The following SLF2 variants were observed in gnomAD, a reference collection of about 807,000 sequenced individuals.
SLF2 encodes SMC5-SMC6 complex localization factor protein 2.
SLF2 carries 68 observed loss-of-function variants against 124.3 expected under a neutral mutation model. The ratio of observed to expected loss-of-function variants is 0.55; its 90% CI spans 0.45 to 0.67. SLF2 has a LOEUF of 0.67. Ranked by LOEUF, SLF2 falls within the 30% of genes least tolerant of loss-of-function variation. The pLI is 0.00. For missense variants in SLF2, 1,246 were observed against 1,373.7 expected, an observed-to-expected ratio of 0.91 and a Z score of 1.47; for synonymous variants, 480 against 478.8, an observed-to-expected ratio of 1.00 and a Z score of -0.03.
At chr10:100,934,164 T>C (rs1269039126) in intron 9 of SLF2, among the ~76,000 whole-genome samples, 1 of 152,218 alleles carries the variant, frequency 6.6e-6, no homozygotes, top group Non-Finnish European at 1.5e-5. Flanking sequence ...AAACAGAACA[T>C]GTGAATGTGT....
At chr10:100,929,275 A>G (rs1385577895) in intron 6 of SLF2, 42 bp from the exon 7 acceptor site, 2 of 1,544,194 alleles carry the variant, frequency 1.3e-6, no homozygotes, top group Non-Finnish European at 1.7e-6. Flanking sequence ...TTTTAAAAAT[A>G]TTTTTAGAGT....
chr10:100,919,262 C>T (rs947007406), intron 4 of SLF2, among the ~76,000 whole-genome samples: 3 of 152,064 alleles, frequency 2.0e-5, no homozygotes, highest in South Asian at 2.1e-4. Flanking sequence ...CTGCCCACCT[C>T]GGCCTCCCAA....
At chr10:100,921,448 A>T (rs1296703910) in intron 4 of SLF2, among the ~76,000 whole-genome samples, 1 of 152,212 alleles carries the variant, frequency 6.6e-6, no homozygotes, top group East Asian at 1.9e-4. Flanking sequence ...AGTATATTTG[A>T]AATATTTGAA....
At chr10:100,948,619 AC>A (rs1206288697) in intron 15 of SLF2, among the ~76,000 whole-genome samples, 2 of 152,182 alleles carry the variant, frequency 1.3e-5, no homozygotes, top group Non-Finnish European at 2.9e-5. Context: ...ACAGTGGCTC[AC>A]GCCTGTAATC....
Position 100,945,495 on chromosome 10 carries a change from T to C in SLF2, c.2923T>C (p.Trp975Arg). ...AAACCTGATGAAAAACATCAGAGAT[T>C]GGAACACAAAGGTAATGTTACTTAA... ...LINLMKNIRD[W>R]NTKVPELCLG... Residue 975 changes from tryptophan to arginine, a missense_variant, in exon 13 of 20, where the codon TGG becomes CGG. Coordinates refer to ENST00000238961, the MANE Select transcript of SLF2 (RefSeq NM_018121.4). The C allele has an allele frequency of 6.4e-7, 1 of 1,559,926 alleles. No individual in the cohort carries two copies. The highest frequency in any genetic ancestry group is 8.6e-7 in the Non-Finnish European group (1 of 1,164,734).
Position 100,959,784 on chromosome 10 carries a change from A to C in SLF2, c.3486+288A>C, listed in dbSNP as rs185516605. On this transcript the variant is annotated intron_variant, in intron 19 of 19. Transcript: ENST00000238961. The stretch of plus-strand genomic sequence containing the variant: ...TTTAAGACAGATCTATTGAGATAGA[A>C]TTCACATACCATAGATTTTACCCAC... 1.6e-4 allele frequency among the ~76,000 whole-genome samples: 24 copies of C among 152,386 alleles called. No homozygotes were observed. In the East Asian group the frequency reaches 4.2e-3, roughly 27 times the overall value.
intron 9 of SLF2, among the ~76,000 whole-genome samples, chr10:100,932,521 C>T (rs1303981802): frequency 6.6e-6 from 1 of 151,972 alleles, no homozygotes; most frequent in Non-Finnish European, 1.5e-5. Context: ...CAAGAAATCT[C>T]GTATTTGGTG....
intron 9 of SLF2, among the ~76,000 whole-genome samples, chr10:100,933,837 C>G (rs868194094): frequency 1.3e-5 from 2 of 152,138 alleles, no homozygotes; most frequent in Non-Finnish European, 2.9e-5. Flanking sequence ...TGCCACCACA[C>G]CTGGCTAATT....
chr10:100,940,024 A>G (rs1849936978), intron 11 of SLF2, among the ~76,000 whole-genome samples: 1 of 152,198 alleles, frequency 6.6e-6, no homozygotes, highest in Non-Finnish European at 1.5e-5. Flanking sequence ...ATTTCCCCTA[A>G]ATATTACAAG....
rs755286282 is a variant in SLF2 at position 100,925,988 on chromosome 10, C to T, written c.2011C>T (p.Arg671Cys). ...HPGTYTNTLE[R>C]LVKEMEDTQR... ...TGGAACTTACACAAATACCTTAGAA[C>T]GTCTAGTGAAGGAAATGGAAGACAC... is the stretch of plus-strand genomic sequence containing the variant. Residue 671 changes from arginine (R) to cysteine (C), a missense_variant, in exon 6 of 20, where the codon CGT becomes TGT. Coordinates refer to ENST00000238961, the MANE Select transcript of SLF2 (RefSeq NM_018121.4). The T allele has an allele frequency of 6.8e-6, 11 of 1,611,864 alleles. No individual in the cohort carries two copies. The highest frequency in any genetic ancestry group is 1.3e-5 in the African/African-American group (1 of 74,746).
intron 10 of SLF2, among the ~76,000 whole-genome samples, chr10:100,937,692 T>C (rs1174439153): frequency 6.6e-6 from 1 of 152,100 alleles, no homozygotes; most frequent in African/African-American, 2.4e-5. Context: ...CACTGCAACT[T>C]CCACCTCCCT....
In SLF2 at chr10:100,925,953, A is replaced by G. The variant is rs1278996637; in HGVS notation, c.1976A>G (p.His659Arg). Reference protein sequence around the residue: ...LRSQSSDYTGHVHPGTYTNTL... With the variant: ...LRSQSSDYTGRVHPGTYTNTL... ...TTCTAAATGTTCTTGTTTTAGGGAC[A>G]TGTTCATCCTGGAACTTACACAAAT... Residue 659 changes from histidine to arginine, a missense_variant, in exon 6 of 20, where the codon CAT (histidine) becomes CGT (arginine). By Grantham distance (29) the His-to-Arg change is conservative. Coordinates refer to ENST00000238961, the MANE Select transcript of SLF2 (RefSeq NM_018121.4). 4.4e-6 allele frequency: 7 copies of G among 1,589,200 alleles called. No individual in the cohort carries two copies. Among genetic ancestry groups the G allele is most frequent in the Non-Finnish European group, 4.3e-6 (5 of 1,167,950 alleles).
intron 6 of SLF2, among the ~76,000 whole-genome samples, chr10:100,926,956 G>C (rs911554044): frequency 1.1e-4 from 17 of 151,298 alleles, no homozygotes; most frequent in East Asian, 3.9e-4. Context: ...TTCATAGACT[G>C]GATCAAAAGA....
Position 100,951,144 on chromosome 10 carries a change from G to A in SLF2, c.3330+391G>A, listed in dbSNP as rs577376213. Among the ~76,000 whole-genome samples the A allele has an allele frequency of 7.2e-4, 110 of 152,308 alleles. 1 individual carries two copies. Among genetic ancestry groups the A allele is most frequent in the Admixed American group, 1.1e-3 (17 of 15,306 alleles). On this transcript the variant is annotated intron_variant, in intron 17 of 19. Coordinates refer to ENST00000238961, the MANE Select transcript of SLF2 (RefSeq NM_018121.4). ...TGTAATCCCAGCTGTTCGGGAGGCT[G>A]AGGCAGGAGAATCGCTTGAACCCGG...
At chr10:100,939,527 C>T (rs980173594) in intron 11 of SLF2, among the ~76,000 whole-genome samples, 1 of 151,652 alleles carries the variant, frequency 6.6e-6, no homozygotes, top group African/African-American at 2.4e-5. Flanking sequence ...AATACAAAAA[C>T]GTTAGCCAGG....
intron 4 of SLF2, among the ~76,000 whole-genome samples, chr10:100,922,913 G>A (rs1396737877): frequency 6.6e-6 from 1 of 151,702 alleles, no homozygotes; most frequent in Non-Finnish European, 1.5e-5. Flanking sequence ...GTAGCTGGGA[G>A]TACAGGCACG....
At position 100,952,132 on chromosome 10, in the gene SLF2, C is replaced by T. The variant is rs187671898; in HGVS notation, c.3330+1379C>T. 4.8e-3 allele frequency among the ~76,000 whole-genome samples: 725 copies of T among 151,854 alleles called. 6 individuals carry two copies. Among genetic ancestry groups the T allele is most frequent in the African/African-American group, 0.017 (695 of 41,386 alleles). ...GTTGGTGCGTGCATGTAATCCCAGCCACTCGGGAGGCTGAGACAGGAGAAT... is the reference window on the plus strand; with the variant it reads ...GTTGGTGCGTGCATGTAATCCCAGCTACTCGGGAGGCTGAGACAGGAGAAT... On this transcript the variant is annotated intron_variant, in intron 17 of 19. Coordinates refer to ENST00000238961, the MANE Select transcript of SLF2 (RefSeq NM_018121.4).
In SLF2 at chr10:100,953,357, G is replaced by T. The variant is rs1221768424; in HGVS notation, c.3330+2604G>T. ...TATGATTAAAAAAGTCAGTGACTGG[G>T]CATGGTGGCTCATGCCTGTAATCCC... On this transcript the variant is annotated intron_variant, in intron 17 of 19. Coordinates refer to ENST00000238961, the MANE Select transcript of SLF2 (RefSeq NM_018121.4). Among the ~76,000 whole-genome samples the T allele has an allele frequency of 2.6e-5, 4 of 151,196 alleles. No homozygotes were observed. In the East Asian group the frequency reaches 8.0e-4, roughly 30 times the overall value.
intron 16 of SLF2, among the ~76,000 whole-genome samples, 187 bp from the exon 17 acceptor site, chr10:100,950,489 T>C (rs961223370): frequency 6.6e-6 from 1 of 152,220 alleles, no homozygotes; most frequent in African/African-American, 2.4e-5. Context: ...TGAATCATGG[T>C]AAAAAGAATG....
Sources: allele counts gnomAD v4.1 joint callset (sites outside exome capture counted in the v4.1 genomes callset), GRCh38; gene constraint gnomAD v4.1.1; transcripts MANE v1.5; gene names NCBI Gene and HGNC (gene_info 2026-07-23, HGNC 2026-07-21).